RNF115: variants seen among roughly 807,000 people sequenced by gnomAD.
RNF115 encodes the protein E3 ubiquitin-protein ligase RNF115.
A neutral mutation model predicts 39.2 loss-of-function variants in RNF115; 31 were observed. The observed-to-expected ratio is 0.79, with a 90% CI of 0.59 to 1.07. RNF115 has a LOEUF of 1.07. Among genes scored for constraint, RNF115 ranks in the 50% least tolerant of loss-of-function variants. The pLI is 0.00. For missense variants in RNF115, 384 were observed against 381.7 expected (o/e 1.01, Z -0.05); for synonymous variants, 124 against 131.0 (o/e 0.95, Z 0.37).
In RNF115 at chr1:145,764,528, C is replaced by T. The variant is rs868963139; in HGVS notation, c.428+7183G>A. Reference sequence around the variant, plus strand: ...GTGAGGAGCCCCTCCGCCCGGCAGCCGCCCCGTCTGAGAAGTGAGGAGCCC... The same window carrying T: ...GTGAGGAGCCCCTCCGCCCGGCAGCTGCCCCGTCTGAGAAGTGAGGAGCCC... On this transcript the variant is annotated intron_variant, in intron 4 of 8. Coordinates refer to ENST00000582693, the MANE Select transcript of RNF115 (RefSeq NM_014455.4). Among the ~76,000 whole-genome samples, 5 of 151,188 alleles carry T rather than the reference C, an allele frequency of 3.3e-5. No individual in the cohort carries two copies. The East Asian group carries it at 7.8e-4, about 24-fold the overall frequency.
At chr1:145,766,667 G>A (rs1224555042) in intron 4 of RNF115, among the ~76,000 whole-genome samples, 17 of 136,256 alleles carry the variant, frequency 1.2e-4, no homozygotes, top group South Asian at 4.8e-4. Flanking sequence ...CTGGCCGGGC[G>A]GGGGGCTGAC....
intron 1 of RNF115, among the ~76,000 whole-genome samples, chr1:145,817,412 C>T (rs1442989138): frequency 1.7e-5 from 2 of 117,052 alleles, no homozygotes; most frequent in African/African-American, 5.7e-5. Flanking sequence ...CAGGTGTGAG[C>T]CACAGCATGC....
chr1:145,759,650 G>T (rs781840843), intron 4 of RNF115, among the ~76,000 whole-genome samples: 3 of 152,018 alleles, frequency 2.0e-5, no homozygotes, highest in African/African-American at 7.3e-5. Context: ...CGCACACCTC[G>T]CAGCCCCCCA....
intron 4 of RNF115, 139 bp downstream of exon 4, chr1:145,771,572 A>G: frequency 3.0e-6 from 2 of 661,464 alleles, no homozygotes; most frequent in African/African-American, 1.8e-5. Flanking sequence ...CATTCAATTT[A>G]GCTTCACTTT....
chr1:145,763,921 G>A (rs1290956997), intron 4 of RNF115, among the ~76,000 whole-genome samples: 1 of 105,968 alleles, frequency 9.4e-6, no homozygotes, highest in Non-Finnish European at 1.9e-5. Context: ...TCTCCCCATG[G>A]TCTCCCTCTC....
intron 5 of RNF115, 125 bp downstream of exon 5, chr1:145,752,853 C>T (rs1553712672): frequency 1.6e-6 from 1 of 643,122 alleles, no homozygotes; most frequent in Non-Finnish European, 2.7e-6. Flanking sequence ...TCCCAAAGTG[C>T]TGGGATTAGA....
Position 145,784,598 on chromosome 1 carries a change from T to A in RNF115, c.162-2A>T. ...CGACTGCCGCCACCACCTAAAAAAC[T>A]AAAGAGAAAAGGAATGAGTGGTGAT... On this transcript the variant is annotated splice_acceptor_variant, in intron 2 of 8. Coordinates refer to ENST00000582693, the MANE Select transcript of RNF115 (RefSeq NM_014455.4). LOFTEE classifies it high-confidence loss of function. 3 of 1,613,604 alleles carry A rather than the reference T, an allele frequency of 1.9e-6. No homozygotes were observed. Among genetic ancestry groups the A allele is most frequent in the Non-Finnish European group, 2.5e-6 (3 of 1,179,636 alleles).
At chr1:145,784,071 C>G (rs1436315449) in intron 3 of RNF115, among the ~76,000 whole-genome samples, 1 of 152,110 alleles carries the variant, frequency 6.6e-6, no homozygotes, top group African/African-American at 2.4e-5. Context: ...TAATCTACAC[C>G]AAACTACTGT....
At chr1:145,823,468 A>C (rs1471887849) in intron 1 of RNF115, among the ~76,000 whole-genome samples, 1 of 145,726 alleles carries the variant, frequency 6.9e-6, no homozygotes, top group Non-Finnish European at 1.5e-5. Flanking sequence ...AAAGAATGCA[A>C]GAAAATTGAG....
At chr1:145,747,251 C>A (rs1657909404) in intron 8 of RNF115, among the ~76,000 whole-genome samples, 1 of 152,138 alleles carries the variant, frequency 6.6e-6, no homozygotes, top group Admixed American at 6.5e-5. Context: ...TACATACCAC[C>A]AAACAGAACG....
intron 3 of RNF115, among the ~76,000 whole-genome samples, chr1:145,782,141 G>A (rs1407826167): frequency 2.6e-5 from 4 of 151,950 alleles, no homozygotes; most frequent in African/African-American, 7.3e-5. Context: ...CCAACCTCCC[G>A]TGATCCACCT....
intron 3 of RNF115, among the ~76,000 whole-genome samples, chr1:145,782,778 C>T (rs1648206945): frequency 6.6e-6 from 1 of 152,210 alleles, no homozygotes; most frequent in African/African-American, 2.4e-5. Flanking sequence ...AAGTGACAAT[C>T]TGTGTTATCA....
chr1:145,741,918 G>A lies in RNF115; in HGVS notation c.*4948C>T, dbSNP rs1174136251. The A allele has an allele frequency of 6.6e-6, 1 of 152,082 alleles. No homozygotes were observed. Among genetic ancestry groups the A allele is most frequent in the African/African-American group, 2.4e-5 (1 of 41,374 alleles). 9.4% of individuals were successfully genotyped at this position (152,082 alleles called of 1,614,324 possible). ...GACATCAGGAGTTCGAGACCAGCCT[G>A]GGCAACATGGCAAAACCCCATCTCT... On this transcript the variant is annotated 3_prime_UTR_variant, in exon 9 of 9. Transcript: ENST00000582693.
chr1:145,756,029 T>C (rs1407278302), intron 4 of RNF115, among the ~76,000 whole-genome samples: 4 of 152,170 alleles, frequency 2.6e-5, no homozygotes, highest in Non-Finnish European at 5.9e-5. Flanking sequence ...ATTATATAAT[T>C]CTGAGAATTC....
At chr1:145,750,864 C>T (rs1553712377) in intron 6 of RNF115, among the ~76,000 whole-genome samples, 1 of 152,016 alleles carries the variant, frequency 6.6e-6, no homozygotes, top group South Asian at 2.1e-4. Context: ...AAGAAAAAAG[C>T]GAGAGTATGA....
intron 1 of RNF115, among the ~76,000 whole-genome samples, chr1:145,791,303 G>C: frequency 6.6e-6 from 1 of 151,356 alleles, no homozygotes; most frequent in East Asian, 1.9e-4. Context: ...CCTGAGGTCG[G>C]GAATTCGAGA....
intron 1 of RNF115, among the ~76,000 whole-genome samples, chr1:145,821,248 G>T (rs1570704551): frequency 7.9e-6 from 1 of 126,048 alleles, no homozygotes. Flanking sequence ...GGAAGAATCC[G>T]GTTATACTCA....
chr1:145,760,945 T>C (rs1442529034), intron 4 of RNF115, among the ~76,000 whole-genome samples: 1 of 152,248 alleles, frequency 6.6e-6, no homozygotes, highest in Admixed American at 6.5e-5. Context: ...CAGGCTGAGG[T>C]GGTCTCAGAT....
chr1:145,811,987 TAAAG>T (rs1241261650), intron 1 of RNF115, among the ~76,000 whole-genome samples: 6 of 135,472 alleles, frequency 4.4e-5, no homozygotes, highest in African/African-American at 1.6e-4. Context: ...TTCATTTCAC[TAAAG>T]AGAGTATTTC....
Sources: gnomAD v4.1 joint callset for allele counts (sites outside exome capture counted in the v4.1 genomes callset) on GRCh38, gnomAD v4.1.1 for gene constraint, MANE v1.5 for transcripts, NCBI Gene and HGNC (gene_info 2026-07-23, HGNC 2026-07-21) for gene names.